BPI: variants seen among roughly 807,000 people sequenced by gnomAD.
The protein encoded by BPI is bactericidal permeability increasing protein, also known as bactericidal permeability-increasing protein.
BPI carries 48 observed loss-of-function variants against 57.6 expected under a neutral mutation model. The ratio of observed to expected loss-of-function variants is 0.83; its 90% CI spans 0.66 to 1.06. BPI has a LOEUF of 1.06. Among genes scored for constraint, BPI ranks in the 50% least tolerant of loss-of-function variants. The pLI, the probability that BPI is intolerant of heterozygous loss-of-function variation, is 0.00. For missense variants in BPI, 651 were observed against 609.7 expected (o/e 1.07, Z -0.71); for synonymous variants, 237 against 238.2 (o/e 0.99, Z 0.05).
At position 38,323,974 on chromosome 20, in the gene BPI, C is replaced by G; in HGVS notation, c.861C>G (p.Asp287Glu). 1 of 1,614,182 alleles carries G rather than the reference C, an allele frequency of 6.2e-7. No individual in the cohort carries two copies. Among genetic ancestry groups the G allele is most frequent in the Non-Finnish European group, 8.5e-7 (1 of 1,180,022 alleles). ...GCATGGTATACCTGGGCCTCTCAGA[C>G]TACTTCTTCAACACAGCCGGGCTTG... ...HDRMVYLGLS[D>E]YFFNTAGLVY... is the part of the protein sequence containing the mutation. The change falls in exon 8 of 15, where the codon GAC becomes GAG. Residue 287 changes from aspartate to glutamate, a missense_variant. Coordinates refer to ENST00000642449, the MANE Select transcript of BPI (RefSeq NM_001725.3).
At position 38,326,505 on chromosome 20, in the gene BPI, A is replaced by G. The variant is rs530511841; in HGVS notation, c.1161+73A>G. The G allele has an allele frequency of 2.7e-6, 4 of 1,460,082 alleles. No individual in the cohort carries two copies. In the South Asian group the frequency reaches 5.5e-5, roughly 20 times the overall value. 90.4% of individuals were successfully genotyped at this position (1,460,082 alleles called of 1,614,324 possible). ...ACAGCACTGTCTTTGGAGTCAGGAG[A>G]CCATGTGAATCCTGTCTGGATTCAA... On this transcript the variant is annotated intron_variant, in intron 10 of 14. Transcript: ENST00000642449.
chr20:38,324,348 A>C (rs1202820768), intron 8 of BPI, among the ~76,000 whole-genome samples: 1 of 152,216 alleles, frequency 6.6e-6, no homozygotes, highest in African/African-American at 2.4e-5. Context: ...ATATTAGTCT[A>C]TGAGAGGACC....
chr20:38,306,619 G>A (rs139604700), intron 1 of BPI, among the ~76,000 whole-genome samples: 21 of 152,290 alleles, frequency 1.4e-4, no homozygotes, highest in East Asian at 1.2e-3. Flanking sequence ...GAAGCTGACC[G>A]GGTGAATATG....
At chr20:38,304,597 C>T (rs1322937325) in intron 1 of BPI, among the ~76,000 whole-genome samples, 1 of 152,222 alleles carries the variant, frequency 6.6e-6, no homozygotes, top group Non-Finnish European at 1.5e-5. Flanking sequence ...GCTCAGACCC[C>T]TGAGGGTCCT....
At chr20:38,321,141 GTGGATGGATGGA>G (rs368875561) in intron 7 of BPI, among the ~76,000 whole-genome samples, 2,614 of 79,820 alleles carry the variant, frequency 0.033, 132 homozygotes, top group East Asian at 0.26. Context: ...GGGTGTATTG[GTGGATGGATGGA>G]TGGATGGATG....
In BPI at chr20:38,334,530, T is replaced by C. The variant is rs1186371250; in HGVS notation, c.1336+37T>C. Reference sequence around the variant, plus strand: ...TGAAGAAACCATTCATTTTCAGTCATGGGGGAAGAGGGTGGGGTTGATTAC... The same window carrying C: ...TGAAGAAACCATTCATTTTCAGTCACGGGGGAAGAGGGTGGGGTTGATTAC... On this transcript the variant is annotated intron_variant, in intron 13 of 14. Transcript: ENST00000642449. The C allele has an allele frequency of 4.4e-6, 7 of 1,593,344 alleles. No individual in the cohort carries two copies. In the Middle Eastern group the frequency reaches 5.0e-4, roughly 113 times the overall value.
chr20:38,324,653 C>A (rs953945452), intron 8 of BPI, 121 bp from the exon 9 acceptor site: 7 of 800,520 alleles, frequency 8.7e-6, no homozygotes, highest in Admixed American at 3.9e-5. Flanking sequence ...GCTCTGTTGT[C>A]ACATAGGGGC....
intron 3 of BPI, 91 bp downstream of exon 3, chr20:38,309,149 T>C: frequency 6.3e-7 from 1 of 1,584,540 alleles, no homozygotes; most frequent in Non-Finnish European, 8.6e-7. Flanking sequence ...GCCCAATTTT[T>C]GCCTTGCCTA....
intron 14 of BPI, among the ~76,000 whole-genome samples, chr20:38,336,601 C>T (rs2076768626): frequency 6.6e-6 from 1 of 152,106 alleles, no homozygotes; most frequent in Non-Finnish European, 1.5e-5. Flanking sequence ...CTCCCTTTCC[C>T]CCAATGTCCA....
At chr20:38,322,644 C>G (rs776452221) in intron 7 of BPI, among the ~76,000 whole-genome samples, 1 of 152,138 alleles carries the variant, frequency 6.6e-6, no homozygotes, top group African/African-American at 2.4e-5. Flanking sequence ...GGAGTTTTGT[C>G]TTGTTGCCCA....
intron 6 of BPI, among the ~76,000 whole-genome samples, chr20:38,319,203 C>T (rs2076668620): frequency 1.3e-5 from 2 of 152,260 alleles, no homozygotes; most frequent in Non-Finnish European, 2.9e-5. Flanking sequence ...CCACTGCACT[C>T]CAGCCTGGGT....
At chr20:38,313,235 T>C (rs142680289) in intron 5 of BPI, among the ~76,000 whole-genome samples, 9,381 of 151,834 alleles carry the variant, frequency 0.062, 311 homozygotes, top group South Asian at 0.11. Context: ...AATACAAAAT[T>C]AGCTGGGCAT....
At chr20:38,328,491 A>C (rs2076725114) in intron 11 of BPI, among the ~76,000 whole-genome samples, 1 of 152,128 alleles carries the variant, frequency 6.6e-6, no homozygotes. Context: ...TGGAGGTTGC[A>C]GTGAGCCGAG....
chr20:38,313,688 T>C (rs367584576), intron 5 of BPI, among the ~76,000 whole-genome samples: 3 of 152,096 alleles, frequency 2.0e-5, no homozygotes, highest in African/African-American at 7.2e-5. Context: ...AATGGTGAGG[T>C]TGATGATGGT....
rs1275045482 is a variant in BPI, at chr20:38,307,628, C to T, written c.192C>T (p.Tyr64=). ...KELKRIKIPD[Y]SDSFKIKHLG... ...TGAAGAGGATCAAGATTCCTGACTA[C>T]TCAGACAGCTTTAAGATCAAGCATC... Residue 64 remains tyrosine (Y), a synonymous_variant, in exon 2 of 15, where the codon TAC becomes TAT. Transcript: ENST00000642449. 3 of 1,612,386 alleles carry T rather than the reference C, an allele frequency of 1.9e-6. No homozygotes were observed. Among genetic ancestry groups the T allele is most frequent in the South Asian group, 2.2e-5 (2 of 90,592 alleles).
At chr20:38,322,592 T>C (rs940492940) in intron 7 of BPI, among the ~76,000 whole-genome samples, 2 of 152,220 alleles carry the variant, frequency 1.3e-5, no homozygotes, top group African/African-American at 4.8e-5. Flanking sequence ...AGATAAATCC[T>C]AGTCAGTACA....
chr20:38,320,661 T>TACACACACACAC (rs369329923), intron 7 of BPI, among the ~76,000 whole-genome samples: 2,247 of 130,818 alleles, frequency 0.017, 25 homozygotes, highest in African/African-American at 0.021. Context: ...TTATTACCAA[T>TACACACACACAC]ACACACACAC....
Position 38,323,936 on chromosome 20 carries a change from G to T in BPI, c.823G>T (p.Ala275Ser), listed in dbSNP as rs142882330. Reference protein sequence around the residue: ...PFAPPVMEFPAAHDRMVYLGL... With the variant: ...PFAPPVMEFPSAHDRMVYLGL... ...TGCTCCACCAGTGATGGAGTTTCCC[G>T]CTGCCCATGACCGCATGGTATACCT... The change falls in exon 8 of 15, where the codon GCT becomes TCT. Residue 275 changes from alanine to serine, a missense_variant. Ala to Ser is a moderately conservative substitution (Grantham distance 99). Transcript: ENST00000642449. The T allele has an allele frequency of 1.9e-5, 31 of 1,614,002 alleles. No homozygotes were observed. The South Asian group carries it at 3.3e-4, about 17-fold the overall frequency.
At chr20:38,317,035 C>G (rs905001306) in intron 5 of BPI, among the ~76,000 whole-genome samples, 2 of 152,160 alleles carry the variant, frequency 1.3e-5, no homozygotes, top group African/African-American at 4.8e-5. Flanking sequence ...TCACAGGACT[C>G]TAGAAGGAGT....
Sources: allele counts gnomAD v4.1 joint callset (sites outside exome capture counted in the v4.1 genomes callset), GRCh38; gene constraint gnomAD v4.1.1; transcripts MANE v1.5; gene names NCBI Gene and HGNC (gene_info 2026-07-23, HGNC 2026-07-21).